The following ADI1 variants were observed in gnomAD, a reference collection of about 807,000 sequenced individuals.
ADI1 encodes acireductone dioxygenase 1.
A neutral mutation model predicts 18.7 loss-of-function variants in ADI1; 21 were observed. That is an observed-to-expected ratio of 1.13 (90% CI 0.80 to 1.62). ADI1 has a LOEUF of 1.62. Among genes scored for constraint, ADI1 ranks in the 40% most tolerant of loss-of-function variants. ADI1 has a pLI of 0.00. For missense variants in ADI1, 245 were observed against 254.9 expected (o/e 0.96, Z 0.26); for synonymous variants, 90 against 100.1 (o/e 0.90, Z 0.60).
chr2:3,517,089 A>T (rs1667425680), intron 1 of ADI1: 1 of 215,358 alleles, frequency 4.6e-6, no homozygotes, highest in Non-Finnish European at 7.9e-6. Context: ...ACCAAAATGC[A>T]GCCACTCATG....
At chr2:3,500,474 G>T in intron 3 of ADI1, 1 of 449,860 alleles carries the variant, frequency 2.2e-6, no homozygotes, top group Non-Finnish European at 4.0e-6. Flanking sequence ...CCCTAGAGAT[G>T]CCTCACCGCC....
chr2:3,500,411 C>T (rs1475595091), intron 3 of ADI1, among the ~76,000 whole-genome samples: 1 of 49,310 alleles, frequency 2.0e-5, no homozygotes, highest in Non-Finnish European at 3.3e-5. Context: ...GACAGTATGG[C>T]AACATAACAA....
intron 2 of ADI1, among the ~76,000 whole-genome samples, chr2:3,507,640 C>G (rs2103208000): frequency 6.6e-6 from 1 of 152,200 alleles, no homozygotes; most frequent in East Asian, 1.9e-4. Context: ...ACCTACCTTG[C>G]AAATAAATGT....
rs757139284 is a variant in ADI1, at chr2:3,500,535, ATGTACCTGCCGCCG to A, written c.420+265_420+278del. The A allele has an allele frequency of 1.7e-3, 313 of 188,448 alleles. 4 individuals are homozygous for A. The African/African-American group carries it at 0.099, about 60-fold the overall frequency. 11.7% of individuals were successfully genotyped at this position (188,448 alleles called of 1,614,324 possible). A position where few individuals can be genotyped will look rare whatever the true frequency, so the allele number is the denominator to read the frequency against. ...CTCGTGGGTGTGTACCTGCCGCCGC[ATGTACCTGCCGCCG>A]CCTGTACCTGCCCCGCCTGGGTATG... On this transcript the variant is annotated intron_variant, in intron 3 of 3. Coordinates refer to ENST00000327435, the MANE Select transcript of ADI1 (RefSeq NM_018269.4).
rs545894260 is a variant in ADI1 at position 3,498,636 on chromosome 2, C to T, written c.*327G>A. 320 of 227,928 alleles carry T rather than the reference C, an allele frequency of 1.4e-3. No homozygotes were observed. The highest frequency in any genetic ancestry group is 2.2e-3 in the Non-Finnish European group (257 of 118,034). 14.1% of individuals were successfully genotyped at this position (227,928 alleles called of 1,614,324 possible). ...ATTGCACCTTCTTACACGGCAGGCGCGGCATCACGTCCAGATGGGCATCTA... is the reference window on the plus strand; with the variant it reads ...ATTGCACCTTCTTACACGGCAGGCGTGGCATCACGTCCAGATGGGCATCTA... On this transcript the variant is annotated 3_prime_UTR_variant, in exon 4 of 4. Transcript: ENST00000327435.
intron 2 of ADI1, among the ~76,000 whole-genome samples, chr2:3,503,555 A>G (rs13009104): frequency 0.12 from 6,366 of 52,200 alleles, 2,367 homozygotes; most frequent in African/African-American, 0.68. Context: ...ACACTCACAC[A>G]CGTGCATTCA....
chr2:3,516,135 G>C (rs1667403887), intron 1 of ADI1: 2 of 829,972 alleles, frequency 2.4e-6, no homozygotes, highest in African/African-American at 3.7e-5. Flanking sequence ...GGGACCTTTA[G>C]GATGTGATTA....
chr2:3,519,254 C>A, intron 1 of ADI1, 114 bp downstream of exon 1: 3 of 1,287,590 alleles, frequency 2.3e-6, no homozygotes, highest in Non-Finnish European at 3.0e-6. Context: ...GCTGAGCATG[C>A]GCAGCATGCC....
chr2:3,509,920 G>A (rs1667260129), intron 2 of ADI1, among the ~76,000 whole-genome samples: 1 of 151,992 alleles, frequency 6.6e-6, no homozygotes, highest in Non-Finnish European at 1.5e-5. Context: ...AAGACAGGAG[G>A]ATCACCTGAG....
At chr2:3,503,148 C>A (rs990430818) in intron 2 of ADI1, among the ~76,000 whole-genome samples, 2 of 151,982 alleles carry the variant, frequency 1.3e-5, no homozygotes, top group Admixed American at 6.5e-5. Context: ...CGCACACACA[C>A]GTACACGCTC....
At chr2:3,519,308 G>A in intron 1 of ADI1, 60 bp downstream of exon 1, 1 of 1,341,798 alleles carries the variant, frequency 7.5e-7, no homozygotes, top group Non-Finnish European at 9.5e-7. Flanking sequence ...AGGCTGGGCT[G>A]TGCGCGGCGT....
chr2:3,507,163 G>C (rs985181948), intron 2 of ADI1, among the ~76,000 whole-genome samples: 1 of 152,162 alleles, frequency 6.6e-6, no homozygotes, highest in African/African-American at 2.4e-5. Context: ...AGCAGGGATT[G>C]GGGGAGAACA....
intron 2 of ADI1, among the ~76,000 whole-genome samples, chr2:3,513,270 G>T (rs543935635): frequency 6.6e-6 from 1 of 152,288 alleles, no homozygotes; most frequent in African/African-American, 2.4e-5. Context: ...TAAGACTTTG[G>T]GGGACTATTG....
chr2:3,505,029 T>C (rs34534512), intron 2 of ADI1, among the ~76,000 whole-genome samples: 39,578 of 151,676 alleles, frequency 0.26, 6,759 homozygotes, highest in African/African-American at 0.49. Flanking sequence ...CTGAGTATGT[T>C]TGCATTGTTG....
At chr2:3,503,071 TCA>T (rs1250983604) in intron 2 of ADI1, among the ~76,000 whole-genome samples, 1 of 151,114 alleles carries the variant, frequency 6.6e-6, no homozygotes, top group Non-Finnish European at 1.5e-5. Flanking sequence ...ACATGCACAC[TCA>T]CACAGGCGCA....
chr2:3,515,668 T>G (rs1667390586), intron 1 of ADI1: 1 of 152,634 alleles, frequency 6.6e-6, no homozygotes, highest in South Asian at 2.1e-4. Context: ...AAGCCTGTGA[T>G]ATTTGTACCT....
intron 3 of ADI1, 100 bp downstream of exon 3, chr2:3,500,714 G>A (rs541389256): frequency 2.1e-5 from 31 of 1,510,734 alleles, no homozygotes; most frequent in East Asian, 6.9e-5. Context: ...CCCAGCGACC[G>A]CGCTTGGAGT....
intron 2 of ADI1, among the ~76,000 whole-genome samples, chr2:3,505,741 C>T (rs1045168815): frequency 6.6e-6 from 1 of 152,174 alleles, no homozygotes; most frequent in Non-Finnish European, 1.5e-5. Context: ...CCCCCGGGTC[C>T]ATGGGCTGAA....
chr2:3,519,452 G>T lies in ADI1; in HGVS notation c.36C>A (p.Gly12=), dbSNP rs1221766554. ...CGGGGCGGTGGGGTTGCCGCGGGTC[G>T]CCCGGGGCGTCGTCCATATACCAGG... ...VQAWYMDDAP[G]DPRQPHRPDP... The change falls in exon 1 of 4, where the codon GGC becomes GGA. Residue 12 remains glycine, a synonymous_variant. Transcript: ENST00000327435. 2.2e-6 allele frequency: 3 copies of T among 1,354,950 alleles called. No individual in the cohort carries two copies. The highest frequency in any genetic ancestry group is 3.6e-5 in the South Asian group (2 of 55,090). The allele number at this position is 1,354,950 out of a possible 1,614,324, so 83.9% of individuals were successfully genotyped here.
Sources: allele counts gnomAD v4.1 joint callset (sites outside exome capture counted in the v4.1 genomes callset), GRCh38; gene constraint gnomAD v4.1.1; transcripts MANE v1.5; gene names NCBI Gene and HGNC (gene_info 2026-07-23, HGNC 2026-07-21).